Variants in PLCB1 observed in about 807,000 individuals in gnomAD.
The protein encoded by PLCB1 is phospholipase C beta 1.
A neutral mutation model predicts 161.8 loss-of-function variants in PLCB1; 46 were observed. The ratio of observed to expected loss-of-function variants is 0.28; its 90% CI spans 0.22 to 0.36. The LOEUF (loss-of-function observed/expected upper bound fraction) is 0.36. Ranked by LOEUF, PLCB1 falls within the 10% of genes least tolerant of loss-of-function variation. PLCB1 has a pLI of 1.00. For missense variants in PLCB1, 1,016 were observed against 1,472.5 expected (o/e 0.69, Z 5.07); for synonymous variants, 517 against 503.7 (o/e 1.03, Z -0.35).
At chr20:8,864,765 C>T (rs1168559405) in intron 31 of PLCB1, among the ~76,000 whole-genome samples, 1 of 152,158 alleles carries the variant, frequency 6.6e-6, no homozygotes, top group Non-Finnish European at 1.5e-5. Flanking sequence ...AAGATTTTTC[C>T]TGTCACTGGT....
At chr20:8,788,035 C>T (rs1485621696) in intron 27 of PLCB1, among the ~76,000 whole-genome samples, 1 of 152,162 alleles carries the variant, frequency 6.6e-6, no homozygotes, top group Admixed American at 6.5e-5. Context: ...AGCTTCACAG[C>T]ACCTCCAAAG....
chr20:8,523,496 C>CTCTCTCTCTCTCTATA, intron 3 of PLCB1, among the ~76,000 whole-genome samples: 6 of 51,650 alleles, frequency 1.2e-4, no homozygotes, highest in South Asian at 1.3e-3. Flanking sequence ...CTCTCTCTCT[C>CTCTCTCTCTCTCTATA]TATATATATA....
intron 2 of PLCB1, among the ~76,000 whole-genome samples, chr20:8,154,409 T>C (rs1288934336): frequency 6.6e-6 from 1 of 152,206 alleles, no homozygotes; most frequent in African/African-American, 2.4e-5. Context: ...CAAAGAATCC[T>C]ATAATATGGA....
At chr20:8,145,974 C>G (rs2051448808) in intron 1 of PLCB1, among the ~76,000 whole-genome samples, 1 of 152,190 alleles carries the variant, frequency 6.6e-6, no homozygotes, top group Admixed American at 6.5e-5. Context: ...CACAAGGGAG[C>G]CACAGCAGCT....
intron 2 of PLCB1, among the ~76,000 whole-genome samples, chr20:8,171,184 G>T (rs928049137): frequency 6.6e-6 from 1 of 152,004 alleles, no homozygotes; most frequent in Non-Finnish European, 1.5e-5. Context: ...ACAAGAAAGA[G>T]TATGCTACTT....
chr20:8,344,656 C>G (rs1403822204), intron 2 of PLCB1, among the ~76,000 whole-genome samples: 1 of 152,170 alleles, frequency 6.6e-6, no homozygotes. Context: ...TATCTGCTCC[C>G]GGTGCTCACC....
chr20:8,180,482 A>G (rs935206763), intron 2 of PLCB1, among the ~76,000 whole-genome samples: 3 of 152,198 alleles, frequency 2.0e-5, no homozygotes, highest in Admixed American at 6.5e-5. Context: ...TGAGTTAGGC[A>G]GAAGACCCTC....
chr20:8,359,904 T>A (rs926862980), intron 2 of PLCB1, among the ~76,000 whole-genome samples: 18 of 152,254 alleles, frequency 1.2e-4, no homozygotes, highest in Non-Finnish European at 2.6e-4. Flanking sequence ...ATTTCAAGTT[T>A]AACGTTATTT....
In PLCB1 at chr20:8,362,862, T is replaced by G. The variant is rs1986589573; in HGVS notation, c.178-8520T>G. Among the ~76,000 whole-genome samples, 2 of 152,210 alleles carry G rather than the reference T, an allele frequency of 1.3e-5. 1 individual carries two copies. The highest frequency in any genetic ancestry group is 4.1e-4 in the South Asian group (2 of 4,836). ...CAATACTCCTGCTACCTTATCAATATCCAAAATTTTTAGAAAAAAGTAAGT... is the reference window on the plus strand; with the variant it reads ...CAATACTCCTGCTACCTTATCAATAGCCAAAATTTTTAGAAAAAAGTAAGT... On this transcript the variant is annotated intron_variant, in intron 2 of 31. Coordinates refer to ENST00000338037, the MANE Select transcript of PLCB1 (RefSeq NM_015192.4).
At chr20:8,529,195 TA>T (rs1984700321) in intron 3 of PLCB1, among the ~76,000 whole-genome samples, 1 of 152,124 alleles carries the variant, frequency 6.6e-6, no homozygotes, top group South Asian at 2.1e-4. Context: ...AGTAACATCA[TA>T]ATTGTATTTA....
chr20:8,196,318 G>A lies in PLCB1; in HGVS notation c.177+45947G>A, dbSNP rs13037165. 6.2e-3 allele frequency among the ~76,000 whole-genome samples: 942 copies of A among 152,198 alleles called. 7 individuals are homozygous for A. The highest frequency in any genetic ancestry group is 0.018 in the South Asian group (85 of 4,818). ...TGGCAGTTGGCTCTTTGACCAATTT[G>A]CCTCTAATTCAAACTCTGTATCATT... On this transcript the variant is annotated intron_variant, in intron 2 of 31. Coordinates refer to ENST00000338037, the MANE Select transcript of PLCB1 (RefSeq NM_015192.4).
chr20:8,223,889 C>G (rs1979542052), intron 2 of PLCB1, among the ~76,000 whole-genome samples: 1 of 152,118 alleles, frequency 6.6e-6, no homozygotes, highest in African/African-American at 2.4e-5. Flanking sequence ...TGCTTGGCGT[C>G]TAGCAATTAT....
intron 31 of PLCB1, among the ~76,000 whole-genome samples, chr20:8,835,776 C>T (rs994328783): frequency 2.0e-5 from 3 of 149,472 alleles, no homozygotes; most frequent in African/African-American, 7.3e-5. Context: ...CCAAAGCAGA[C>T]GACTCTAACT....
intron 3 of PLCB1, among the ~76,000 whole-genome samples, chr20:8,531,961 T>C (rs1031885869): frequency 1.3e-5 from 2 of 152,068 alleles, no homozygotes; most frequent in Non-Finnish European, 2.9e-5. Context: ...TATATAGCAA[T>C]GTAAAAATGA....
chr20:8,332,080 C>T (rs1039881781), intron 2 of PLCB1, among the ~76,000 whole-genome samples: 1 of 152,200 alleles, frequency 6.6e-6, no homozygotes, highest in Non-Finnish European at 1.5e-5. Flanking sequence ...TCTAGAATTT[C>T]TGGTCGCTGA....
chr20:8,556,503 A>G (rs2123008624), intron 3 of PLCB1, among the ~76,000 whole-genome samples: 1 of 152,198 alleles, frequency 6.6e-6, no homozygotes, highest in South Asian at 2.1e-4. Context: ...TAGAAAACCT[A>G]AAAAGTGATG....
chr20:8,279,020 A>C (rs1188126673), intron 2 of PLCB1, among the ~76,000 whole-genome samples: 2 of 151,930 alleles, frequency 1.3e-5, no homozygotes, highest in Non-Finnish European at 2.9e-5. Context: ...GTTGGCAAGG[A>C]TGTAGAAAAA....
chr20:8,790,555 T>C (rs1360202726), intron 31 of PLCB1, among the ~76,000 whole-genome samples: 2 of 152,208 alleles, frequency 1.3e-5, no homozygotes, highest in Non-Finnish European at 2.9e-5. Flanking sequence ...CCGTTTCCCC[T>C]GGAGAATCAG....
intron 1 of PLCB1, among the ~76,000 whole-genome samples, chr20:8,144,805 T>A (rs2051437629): frequency 6.6e-6 from 1 of 152,196 alleles, no homozygotes; most frequent in South Asian, 2.1e-4. Context: ...TCTTGGGCAA[T>A]CCCTGTGGAA....
Sources: gnomAD v4.1 joint callset for allele counts (sites outside exome capture counted in the v4.1 genomes callset) on GRCh38, gnomAD v4.1.1 for gene constraint, MANE v1.5 for transcripts, NCBI Gene and HGNC (gene_info 2026-07-23, HGNC 2026-07-21) for gene names.